Variants in NBDY observed in about 807,000 individuals in gnomAD.
NBDY encodes P-body dissociating protein.
At chrX:56,790,368 C>T (rs749028200) in intron 2 of NBDY, among the ~76,000 whole-genome samples, 4 of 112,085 alleles carry the variant, frequency 3.6e-5, no homozygotes, top group Non-Finnish European at 7.5e-5. Context: ...GATTCCCACA[C>T]TCAGGGGTGT....
chrX:56,741,228 G>A (rs977008611), intron 2 of NBDY, among the ~76,000 whole-genome samples: 31 of 110,945 alleles, frequency 2.8e-4, no homozygotes, highest in Middle Eastern at 4.7e-3. Flanking sequence ...CATTTTCTTC[G>A]TTCATGTATC....
intron 2 of NBDY, among the ~76,000 whole-genome samples, chrX:56,809,448 G>T (rs2069873591): frequency 8.9e-6 from 1 of 112,176 alleles, no homozygotes; most frequent in African/African-American, 3.2e-5. Context: ...CCTGTATTGA[G>T]TGCATATATA....
At chrX:56,735,959 A>C (rs1223190560) in intron 2 of NBDY, among the ~76,000 whole-genome samples, 1 of 111,164 alleles carries the variant, frequency 9.0e-6, no homozygotes, top group Non-Finnish European at 1.9e-5. Context: ...AAAAAAAAAA[A>C]AAATGGGGGG....
At chrX:56,740,524 C>G (rs1439985525) in intron 2 of NBDY, among the ~76,000 whole-genome samples, 1 of 111,148 alleles carries the variant, frequency 9.0e-6, no homozygotes, top group Non-Finnish European at 1.9e-5. Flanking sequence ...GTTTGCTGGA[C>G]CTATCAGTTA....
chrX:56,796,085 G>A (rs886964877), intron 2 of NBDY, among the ~76,000 whole-genome samples: 25 of 111,724 alleles, frequency 2.2e-4, no homozygotes, highest in Non-Finnish European at 4.3e-4. Context: ...TCAGGTTTCC[G>A]GTTCCCTCTT....
chrX:56,751,847 A>G (rs2069587516), intron 2 of NBDY, among the ~76,000 whole-genome samples: 1 of 112,358 alleles, frequency 8.9e-6, no homozygotes, highest in African/African-American at 3.2e-5. Context: ...TATTGCACTG[A>G]CATCCATTCC....
chrX:56,805,359 G>T (rs1355634864), intron 2 of NBDY, among the ~76,000 whole-genome samples: 4 of 111,960 alleles, frequency 3.6e-5, no homozygotes, highest in Admixed American at 2.8e-4. Context: ...CCTTTTTCCT[G>T]TCTTTATCTG....
intron 2 of NBDY, among the ~76,000 whole-genome samples, chrX:56,785,435 G>A (rs761475696): frequency 2.7e-5 from 3 of 110,678 alleles, no homozygotes; most frequent in Admixed American, 1.9e-4. Flanking sequence ...ACAAATACAC[G>A]TATCCCCACG....
chrX:56,787,459 G>A (rs746517640), intron 2 of NBDY, among the ~76,000 whole-genome samples: 13 of 111,354 alleles, frequency 1.2e-4, no homozygotes, highest in Non-Finnish European at 2.4e-4. Context: ...AGGGGAACGG[G>A]GGACAAACAA....
At chrX:56,767,912 C>G (rs1452603209) in intron 2 of NBDY, among the ~76,000 whole-genome samples, 1 of 61,089 alleles carries the variant, frequency 1.6e-5, no homozygotes, top group East Asian at 5.2e-4. Context: ...TGAAGCGAGA[C>G]GAGAGAGGAA....
At chrX:56,730,513 C>CAAAAAAAAAA (rs1157131797) in intron 1 of NBDY, among the ~76,000 whole-genome samples, 120 of 11,215 alleles carry the variant, frequency 0.011, 42 homozygotes, top group Non-Finnish European at 0.015. Context: ...AACTACGTCT[C>CAAAAAAAAAA]AAAAAAAAAA....
At chrX:56,734,329 T>C (rs2146711248) in intron 2 of NBDY, among the ~76,000 whole-genome samples, 1 of 112,074 alleles carries the variant, frequency 8.9e-6, no homozygotes, top group Non-Finnish European at 1.9e-5. Context: ...GGCTGAGTGA[T>C]ACTAGGTAGT....
At chrX:56,766,341 T>G (rs1265047112) in intron 2 of NBDY, among the ~76,000 whole-genome samples, 1 of 111,148 alleles carries the variant, frequency 9.0e-6, no homozygotes, top group African/African-American at 3.3e-5. Context: ...CCACTCTCAC[T>G]CACACAGGGA....
At chrX:56,806,527 T>C (rs2069851297) in intron 2 of NBDY, among the ~76,000 whole-genome samples, 1 of 112,247 alleles carries the variant, frequency 8.9e-6, no homozygotes. Context: ...GGGCATGAAA[T>C]GGTATCTCAT....
At chrX:56,732,430 C>A (rs1468350841) in intron 2 of NBDY, among the ~76,000 whole-genome samples, 1 of 111,550 alleles carries the variant, frequency 9.0e-6, no homozygotes, top group Admixed American at 9.5e-5. Context: ...AATATATCAT[C>A]TTTTTAACTA....
chrX:56,819,001 A>C lies in NBDY; in HGVS notation c.*1848A>C, dbSNP rs890586827. 1.7e-3 allele frequency: 186 copies of C among 109,417 alleles called. 1 individual carries two copies. Among genetic ancestry groups the C allele is most frequent in the African/African-American group, 5.8e-3 (176 of 30,323 alleles). 9.0% of individuals were successfully genotyped at this position (109,417 alleles called of 1,213,427 possible). On this transcript the variant is annotated 3_prime_UTR_variant, in exon 3 of 3. Transcript: ENST00000374922. Reference sequence around the variant, plus strand: ...ATCTACATGCAAAAAAAAAACAAAAAAACAAAAAACTTCCACCCCTACCTC... The same window carrying C: ...ATCTACATGCAAAAAAAAAACAAAACAACAAAAAACTTCCACCCCTACCTC...
intron 2 of NBDY, among the ~76,000 whole-genome samples, chrX:56,759,704 T>C (rs1306152560): frequency 9.0e-6 from 1 of 111,580 alleles, no homozygotes; most frequent in Non-Finnish European, 1.9e-5. Context: ...GTCCACAGGC[T>C]GAAGCAGGAG....
intron 2 of NBDY, among the ~76,000 whole-genome samples, chrX:56,787,808 C>T (rs999542815): frequency 8.9e-6 from 1 of 112,555 alleles, no homozygotes; most frequent in Non-Finnish European, 1.9e-5. Context: ...ACTCTGGCCT[C>T]AGGCCCTGTA....
At chrX:56,785,737 A>T (rs2069724287) in intron 2 of NBDY, among the ~76,000 whole-genome samples, 1 of 111,174 alleles carries the variant, frequency 9.0e-6, no homozygotes, top group African/African-American at 3.3e-5. Flanking sequence ...TTCTGTGAGG[A>T]CACAAGAAGT....
Sources: allele counts gnomAD v4.1 joint callset (sites outside exome capture counted in the v4.1 genomes callset), GRCh38; gene constraint gnomAD v4.1.1; transcripts MANE v1.5; gene names NCBI Gene and HGNC (gene_info 2026-07-23, HGNC 2026-07-21).